The following C9 variants were observed in gnomAD, a reference collection of about 807,000 sequenced individuals.
C9 encodes complement component C9.
A neutral mutation model predicts 65.4 loss-of-function variants in C9; 63 were observed. The observed-to-expected ratio is 0.96, with a 90% CI of 0.79 to 1.19. The LOEUF is 1.19. Among genes scored for constraint, C9 ranks in the 50% most tolerant of loss-of-function variants. The probability of loss-of-function intolerance (pLI) is 0.00; values close to 1 mark genes in which losing one functional copy is unlikely to be tolerated. For missense variants in C9, 744 were observed against 670.1 expected (o/e 1.11, Z -1.22); for synonymous variants, 229 against 227.9 (o/e 1.00, Z -0.04).
intron 5 of C9, among the ~76,000 whole-genome samples, chr5:39,318,109 C>A (rs1753603067): frequency 2.6e-5 from 4 of 151,212 alleles, no homozygotes. Flanking sequence ...TTTTTTTTAG[C>A]AATCGTGAAT....
At chr5:39,342,891 C>T (rs1754116155) in intron 1 of C9, among the ~76,000 whole-genome samples, 1 of 152,138 alleles carries the variant, frequency 6.6e-6, no homozygotes, top group Non-Finnish European at 1.5e-5. Context: ...CGTTGGTTCA[C>T]CATTTGAGTC....
At chr5:39,345,436 A>T (rs554559370) in intron 1 of C9, among the ~76,000 whole-genome samples, 4 of 152,366 alleles carry the variant, frequency 2.6e-5, no homozygotes, top group East Asian at 1.9e-4. Flanking sequence ...AGGCCATTAC[A>T]TAACGGTAAA....
intron 10 of C9, among the ~76,000 whole-genome samples, chr5:39,285,465 A>G (rs142450396): frequency 6.6e-6 from 1 of 152,232 alleles, no homozygotes; most frequent in Non-Finnish European, 1.5e-5. Context: ...AACAGAGGGA[A>G]AGTTCTCAGG....
At chr5:39,314,221 G>A (rs536091221) in intron 6 of C9, among the ~76,000 whole-genome samples, 3 of 152,116 alleles carry the variant, frequency 2.0e-5, no homozygotes, top group African/African-American at 7.2e-5. Flanking sequence ...AGGCCGAGAC[G>A]GGTGGATCAC....
rs577137439 is a variant in C9, at chr5:39,351,398, C to A, written c.78-9202G>T. Among the ~76,000 whole-genome samples, 7 of 152,314 alleles carry A rather than the reference C, an allele frequency of 4.6e-5. No homozygotes were observed. The South Asian group carries it at 1.4e-3, about 32-fold the overall frequency. ...ATATCTGCAGCTGGCTGGAATTTCT[C>A]CCCAGAAAATGAGTTTCTCTTTTCT... On this transcript the variant is annotated intron_variant, in intron 1 of 10. Transcript: ENST00000263408.
At chr5:39,300,129 T>C (rs1167572029) in intron 9 of C9, among the ~76,000 whole-genome samples, 1 of 152,002 alleles carries the variant, frequency 6.6e-6, no homozygotes, top group East Asian at 1.9e-4. Flanking sequence ...AAGATGAAAA[T>C]AGGCTGGGTG....
intron 4 of C9, among the ~76,000 whole-genome samples, chr5:39,336,194 T>A (rs1279893507): frequency 1.3e-5 from 2 of 152,164 alleles, no homozygotes; most frequent in Non-Finnish European, 2.9e-5. Flanking sequence ...TAGTTATTTT[T>A]ATTCCTTTTT....
intron 2 of C9, 74 bp from the exon 3 acceptor site, chr5:39,341,774 C>A: frequency 1.5e-6 from 2 of 1,326,746 alleles, no homozygotes; most frequent in Non-Finnish European, 2.2e-6. Context: ...TGCATCCATA[C>A]AACTATATCC....
intron 5 of C9, among the ~76,000 whole-genome samples, chr5:39,325,178 A>G (rs7723059): frequency 0.11 from 16,706 of 152,162 alleles, 1,181 homozygotes; most frequent in African/African-American, 0.2. Flanking sequence ...AGTTATTATT[A>G]TCAAAGCCAT....
chr5:39,342,215 C>T lies in C9; in HGVS notation c.78-19G>A, dbSNP rs773004411. 2.3e-6 allele frequency: 3 copies of T among 1,284,094 alleles called. No individual in the cohort carries two copies. Among genetic ancestry groups the T allele is most frequent in the Non-Finnish European group, 2.3e-6 (2 of 878,746 alleles). The allele number at this position is 1,284,094 out of a possible 1,614,324, so 79.5% of individuals were successfully genotyped here. A position where few individuals can be genotyped will look rare whatever the true frequency, so the allele number is the denominator to read the frequency against. On this transcript the variant is annotated intron_variant, in intron 1 of 10. Transcript: ENST00000263408. The stretch of plus-strand genomic sequence containing the variant: ...GTCATAACTAAGATAACAGAACATC[C>T]CAGTTTATAATGACCATTGTGTATA...
At chr5:39,346,575 T>C (rs1293377279) in intron 1 of C9, among the ~76,000 whole-genome samples, 7 of 152,122 alleles carry the variant, frequency 4.6e-5, no homozygotes, top group East Asian at 1.9e-4. Flanking sequence ...GATTCACAGC[T>C]GAATTCTACC....
Position 39,341,575 on chromosome 5 carries a change from AT to A in C9, c.308del (p.Asn103MetfsTer11). ...PCEDAEDDCG[N>X]DFQCSTGRCI... The stretch of plus-strand genomic sequence containing the variant: ...GATTACCTGTACTGCATTGAAAGTC[AT>A]TTCCGCAGTCATCCTCAGCATCCTC... On this transcript the variant is annotated frameshift_variant, in exon 3 of 11. Transcript: ENST00000263408. LOFTEE classifies it high-confidence loss of function. The A allele has an allele frequency of 6.2e-7, 1 of 1,614,066 alleles. No homozygotes were observed. The highest frequency in any genetic ancestry group is 8.5e-7 in the Non-Finnish European group (1 of 1,179,950).
intron 1 of C9, among the ~76,000 whole-genome samples, chr5:39,344,202 G>A (rs570236419): frequency 3.3e-5 from 5 of 152,216 alleles, no homozygotes; most frequent in African/African-American, 4.8e-5. Flanking sequence ...AGAGAAGAAG[G>A]CTACAGACGA....
At position 39,347,203 on chromosome 5, in the gene C9, A is replaced by C. The variant is rs1478586340; in HGVS notation, c.78-5007T>G. Among the ~76,000 whole-genome samples, 5 of 152,326 alleles carry C rather than the reference A, an allele frequency of 3.3e-5. No individual in the cohort carries two copies. The East Asian group carries it at 9.6e-4, about 29-fold the overall frequency. ...AAGGCAGGAGAAAGAAATAAAGGGT[A>C]TTCAATTAGGAAAAGAGGAAGTCAA... On this transcript the variant is annotated intron_variant, in intron 1 of 10. Transcript: ENST00000263408.
chr5:39,324,548 G>C (rs188788167), intron 5 of C9, among the ~76,000 whole-genome samples: 60 of 152,172 alleles, frequency 3.9e-4, no homozygotes, highest in Non-Finnish European at 7.9e-4. Flanking sequence ...TTAGGATGTT[G>C]TTGAATGGCT....
chr5:39,316,774 T>C (rs1367792998), intron 5 of C9, among the ~76,000 whole-genome samples: 3 of 152,196 alleles, frequency 2.0e-5, no homozygotes, highest in Admixed American at 6.5e-5. Context: ...TGATTCCAAG[T>C]CTTTGCTATT....
chr5:39,296,302 G>T (rs776940819), intron 9 of C9, among the ~76,000 whole-genome samples: 6 of 151,452 alleles, frequency 4.0e-5, no homozygotes, highest in African/African-American at 1.5e-4. Context: ...GAATTTAGAA[G>T]GAACTCAAAC....
intron 4 of C9, among the ~76,000 whole-genome samples, chr5:39,337,831 G>A (rs1408306189): frequency 6.6e-6 from 1 of 152,216 alleles, no homozygotes; most frequent in Non-Finnish European, 1.5e-5. Context: ...AGATGTGAGA[G>A]GCCTTCAAAT....
At chr5:39,349,350 T>C (rs1466618477) in intron 1 of C9, among the ~76,000 whole-genome samples, 5 of 152,164 alleles carry the variant, frequency 3.3e-5, no homozygotes, top group African/African-American at 1.2e-4. Flanking sequence ...AAGCTTGTGA[T>C]ATTAAACATA....
Sources: allele counts gnomAD v4.1 joint callset (sites outside exome capture counted in the v4.1 genomes callset), GRCh38; gene constraint gnomAD v4.1.1; transcripts MANE v1.5; gene names NCBI Gene and HGNC (gene_info 2026-07-23, HGNC 2026-07-21).